PTPN14: variants seen among roughly 807,000 people sequenced by gnomAD.
The protein encoded by PTPN14 is tyrosine-protein phosphatase non-receptor type 14.
PTPN14 carries 53 observed loss-of-function variants against 126.8 expected under a neutral mutation model. That is an observed-to-expected ratio of 0.42 (90% CI 0.34 to 0.53). PTPN14 has a LOEUF of 0.53. Ranked by LOEUF, PTPN14 falls within the 20% of genes least tolerant of loss-of-function variation. The probability of loss-of-function intolerance (pLI) is 0.08; values close to 1 mark genes in which losing one functional copy is unlikely to be tolerated. For missense variants in PTPN14, 1,257 were observed against 1,552.9 expected, an observed-to-expected ratio of 0.81 and a Z score of 3.20; for synonymous variants, 630 against 599.3, an observed-to-expected ratio of 1.05 and a Z score of -0.75.
chr1:214,465,910 T>C (rs6682847), intron 1 of PTPN14, among the ~76,000 whole-genome samples: 112,209 of 136,512 alleles, frequency 0.82, 46,374 homozygotes, highest in African/African-American at 0.89. Flanking sequence ...GAATGAATGA[T>C]AAAGTGGTGG....
chr1:214,498,509 G>C (rs1398063890), intron 1 of PTPN14, among the ~76,000 whole-genome samples: 2 of 152,100 alleles, frequency 1.3e-5, no homozygotes, highest in African/African-American at 4.8e-5. Flanking sequence ...CTCAATGTTT[G>C]AAAACTGCCA....
chr1:214,502,235 C>T (rs912824980), intron 1 of PTPN14, among the ~76,000 whole-genome samples: 1 of 152,016 alleles, frequency 6.6e-6, no homozygotes, highest in Non-Finnish European at 1.5e-5. Flanking sequence ...GAGGGCTGGA[C>T]CCCCTATTCC....
chr1:214,392,431 C>G (rs917283459), intron 10 of PTPN14, among the ~76,000 whole-genome samples: 1 of 152,226 alleles, frequency 6.6e-6, no homozygotes, highest in Non-Finnish European at 1.5e-5. Flanking sequence ...TATAGTAAAA[C>G]CATCTGCTGA....
In PTPN14 at chr1:214,495,183, G is replaced by T. The variant is rs1051408946; in HGVS notation, c.-154-30226C>A. On this transcript the variant is annotated intron_variant, in intron 1 of 18. Transcript: ENST00000366956. ...ATTTCAATACTATGTTTGAATTTCA[G>T]CCAACTGTAAAATCTTTGGCATACT... is the stretch of plus-strand genomic sequence containing the variant. Among the ~76,000 whole-genome samples the T allele has an allele frequency of 3.3e-5, 5 of 152,194 alleles. 1 individual carries two copies. Among genetic ancestry groups the T allele is most frequent in the Non-Finnish European group, 7.3e-5 (5 of 68,036 alleles).
At chr1:214,443,406 C>A (rs747339305) in intron 3 of PTPN14, among the ~76,000 whole-genome samples, 1 of 152,090 alleles carries the variant, frequency 6.6e-6, no homozygotes, top group African/African-American at 2.4e-5. Flanking sequence ...TGGTTACCAG[C>A]GCTACATTTC....
chr1:214,498,472 T>C (rs1654602007), intron 1 of PTPN14, among the ~76,000 whole-genome samples: 1 of 151,802 alleles, frequency 6.6e-6, no homozygotes, highest in African/African-American at 2.4e-5. Context: ...ATTACCTTAT[T>C]ATCCATATTT....
intron 8 of PTPN14, among the ~76,000 whole-genome samples, chr1:214,396,590 A>G (rs548519135): frequency 6.6e-6 from 1 of 152,352 alleles, no homozygotes; most frequent in East Asian, 1.9e-4. Context: ...TATAATTAAC[A>G]TGACACTACA....
chr1:214,384,980 T>C lies in PTPN14; in HGVS notation c.1067-192A>G, dbSNP rs978410936. Among the ~76,000 whole-genome samples, 2 of 152,124 alleles carry C rather than the reference T, an allele frequency of 1.3e-5. No homozygotes were observed. The highest frequency in any genetic ancestry group is 6.5e-5 in the Admixed American group (1 of 15,272). ...AATGCCAACATACAGAAAGAACACC[T>C]TAAGACATACTGAAAAGAAAAAGGG... On this transcript the variant is annotated intron_variant, in intron 12 of 18. Transcript: ENST00000366956. This position sits in a 1 kb window ranked among gnomAD's most constrained non-coding sequence, Gnocchi z 5.3.
chr1:214,377,977 C>T lies in PTPN14; in HGVS notation c.2670G>A (p.Arg890=), dbSNP rs1369826175. 7 of 1,612,920 alleles carry T rather than the reference C, an allele frequency of 4.3e-6. No individual in the cohort carries two copies. The highest frequency in any genetic ancestry group is 5.9e-6 in the Non-Finnish European group (7 of 1,179,656). ...GREENRVDAT[R]VPMDERFRTL... is the part of the protein sequence containing the mutation. ...CACTTACCCTCTCGTCCATGGGAACCCGGGTGGCATCAACTCGATTCTCTT... is the reference window on the plus strand; with the variant it reads ...CACTTACCCTCTCGTCCATGGGAACTCGGGTGGCATCAACTCGATTCTCTT... The change falls in exon 14 of 19, where the codon CGG becomes CGA. Residue 890 remains arginine, a synonymous_variant. Coordinates refer to ENST00000366956, the MANE Select transcript of PTPN14 (RefSeq NM_005401.5).
At chr1:214,455,034 A>T in intron 2 of PTPN14, among the ~76,000 whole-genome samples, 1 of 152,134 alleles carries the variant, frequency 6.6e-6, no homozygotes, top group East Asian at 1.9e-4. Context: ...TTCTTCCTCT[A>T]GCTATTTTCC....
At chr1:214,522,875 A>T (rs1020528567) in intron 1 of PTPN14, among the ~76,000 whole-genome samples, 2 of 152,240 alleles carry the variant, frequency 1.3e-5, no homozygotes, top group Non-Finnish European at 2.9e-5. Flanking sequence ...ATTGCAGGTG[A>T]TATCAATTAC....
chr1:214,448,397 A>ATTT (rs34637675), intron 3 of PTPN14, among the ~76,000 whole-genome samples: 3,008 of 133,462 alleles, frequency 0.023, 44 homozygotes, highest in East Asian at 0.043. Context: ...AGCCGGGCTA[A>ATTT]TTTTTTTTTT....
intron 1 of PTPN14, among the ~76,000 whole-genome samples, chr1:214,505,970 T>A (rs1176737673): frequency 6.6e-6 from 1 of 152,150 alleles, no homozygotes; most frequent in Non-Finnish European, 1.5e-5. Context: ...AGATTTACAA[T>A]GAACTCTCTC....
chr1:214,383,177 A>C lies in PTPN14; in HGVS notation c.2544+134T>G. The C allele has an allele frequency of 8.6e-7, 1 of 1,159,900 alleles. No homozygotes were observed. Among genetic ancestry groups the C allele is most frequent in the Non-Finnish European group, 1.2e-6 (1 of 831,098 alleles). The allele number at this position is 1,159,900 out of a possible 1,614,324, so 71.9% of individuals were successfully genotyped here. On this transcript the variant is annotated intron_variant, in intron 13 of 18. Coordinates refer to ENST00000366956, the MANE Select transcript of PTPN14 (RefSeq NM_005401.5). This position sits in a 1 kb window ranked among gnomAD's most constrained non-coding sequence, Gnocchi z 4.4. ...GCAAAAACTCAACATTTTGTGTAAT[A>C]AAGTACTACCTTTTAAATGCTCAAT...
rs114979786 is a variant in PTPN14, at chr1:214,404,426, C to T, written c.511-1473G>A. Among the ~76,000 whole-genome samples the T allele has an allele frequency of 4.4e-3, 675 of 152,234 alleles. 7 individuals carry two copies. Among genetic ancestry groups the T allele is most frequent in the African/African-American group, 0.015 (618 of 41,538 alleles). On this transcript the variant is annotated intron_variant, in intron 5 of 18. Transcript: ENST00000366956. ...TTTTTAGTTTCATGTTGTGGAGTAA[C>T]AAAGATATCACAAGGCTTAGAAAGT...
chr1:214,376,781 T>G (rs953420240), intron 14 of PTPN14, among the ~76,000 whole-genome samples: 1 of 152,210 alleles, frequency 6.6e-6, no homozygotes, highest in Non-Finnish European at 1.5e-5. Flanking sequence ...ATATAGCTGT[T>G]TTTAAGATGA....
chr1:214,490,923 A>G (rs1264555404), intron 1 of PTPN14, among the ~76,000 whole-genome samples: 28 of 83,708 alleles, frequency 3.3e-4, no homozygotes, highest in African/African-American at 1.3e-3. Context: ...GGAAGGAAAG[A>G]AAGGAAGGAA....
At chr1:214,438,168 G>C (rs1452590980) in intron 3 of PTPN14, among the ~76,000 whole-genome samples, 1 of 152,172 alleles carries the variant, frequency 6.6e-6, no homozygotes, top group African/African-American at 2.4e-5. Context: ...CAAGTACTGT[G>C]AGATTACCAT....
chr1:214,464,070 A>G (rs1470134269), intron 2 of PTPN14, among the ~76,000 whole-genome samples: 1 of 152,158 alleles, frequency 6.6e-6, no homozygotes, highest in Non-Finnish European at 1.5e-5. Flanking sequence ...CGTGAAGGCA[A>G]CGAGGGCTGT....
Sources: gnomAD v4.1 joint callset for allele counts (sites outside exome capture counted in the v4.1 genomes callset) on GRCh38, gnomAD v4.1.1 for gene constraint, Gnocchi (gnomAD v3.1) non-coding constraint, MANE v1.5 for transcripts, NCBI Gene and HGNC (gene_info 2026-07-23, HGNC 2026-07-21) for gene names.